NFIA: variants seen among roughly 807,000 people sequenced by gnomAD.
The protein encoded by NFIA is nuclear factor 1 A-type.
Under a neutral mutation model 62.8 loss-of-function variants are expected in NFIA, and 8 were observed. The ratio of observed to expected loss-of-function variants is 0.13; its 90% CI spans 0.07 to 0.23. The LOEUF is 0.23. Ranked by LOEUF, NFIA falls within the 10% of genes least tolerant of loss-of-function variation. The probability of loss-of-function intolerance (pLI) is 1.00; values close to 1 mark genes in which losing one functional copy is unlikely to be tolerated. For missense variants in NFIA, 410 were observed against 642.1 expected (o/e 0.64, Z 3.91); for synonymous variants, 235 against 238.1 (o/e 0.99, Z 0.12).
At chr1:61,380,002 G>C (rs765411278) in intron 6 of NFIA, among the ~76,000 whole-genome samples, 2 of 152,106 alleles carry the variant, frequency 1.3e-5, no homozygotes, top group Non-Finnish European at 2.9e-5. Context: ...ATATATGTTT[G>C]CCCTTGTCTA....
intron 6 of NFIA, among the ~76,000 whole-genome samples, chr1:61,374,280 C>T (rs1569663998): frequency 2.6e-5 from 4 of 152,016 alleles, no homozygotes; most frequent in African/African-American, 7.2e-5. Flanking sequence ...TCTGTGAATG[C>T]GTATAATTGC....
chr1:61,410,734 C>G (rs1426251652), intron 9 of NFIA, among the ~76,000 whole-genome samples: 1 of 151,892 alleles, frequency 6.6e-6, no homozygotes, highest in Non-Finnish European at 1.5e-5. Flanking sequence ...TGGTGAAACC[C>G]CATCTCTACA....
rs1197394836 is a variant in NFIA, at chr1:61,231,470, CATA to C, written c.560-46047_560-46045del. On this transcript the variant is annotated intron_variant, in intron 2 of 10. Coordinates refer to ENST00000403491, the MANE Select transcript of NFIA (RefSeq NM_001134673.4). The stretch of plus-strand genomic sequence containing the variant: ...AGCTTATATGCTGAAAATGTAATCA[CATA>C]ATGTTTTTAAAATAGTAAATGACAC... Among the ~76,000 whole-genome samples the C allele has an allele frequency of 2.0e-5, 3 of 152,124 alleles. No individual in the cohort carries two copies. The East Asian group carries it at 5.8e-4, about 29-fold the overall frequency.
intron 9 of NFIA, among the ~76,000 whole-genome samples, chr1:61,425,248 A>G (rs1355501405): frequency 6.6e-6 from 1 of 152,190 alleles, no homozygotes; most frequent in Non-Finnish European, 1.5e-5. Flanking sequence ...AGATTTGTTT[A>G]ATGAGAGAAA....
upstream of NFIA, chr1:61,082,066 CGGGGGTGG>C: frequency 6.8e-7 from 1 of 1,473,468 alleles, no homozygotes; most frequent in Non-Finnish European, 9.2e-7. Flanking sequence ...AGGTCTGCAG[CGGGGGTGG>C]GGGGATGGGG....
chr1:61,391,445 C>G (rs904308503), intron 7 of NFIA, among the ~76,000 whole-genome samples: 2 of 121,736 alleles, frequency 1.6e-5, no homozygotes, highest in Admixed American at 7.9e-5. Flanking sequence ...AACACACACA[C>G]ACACACACAC....
chr1:61,226,179 G>A (rs915641755), intron 2 of NFIA, among the ~76,000 whole-genome samples: 8 of 152,220 alleles, frequency 5.3e-5, no homozygotes, highest in African/African-American at 1.4e-4. Context: ...GATCAGCTGG[G>A]GTTATTAAAC....
intron 3 of NFIA, among the ~76,000 whole-genome samples, chr1:61,291,640 T>G (rs1206523501): frequency 6.6e-6 from 1 of 152,224 alleles, no homozygotes; most frequent in Non-Finnish European, 1.5e-5. Flanking sequence ...GCTTCATCTT[T>G]CTTGGGAGAG....
intron 3 of NFIA, among the ~76,000 whole-genome samples, chr1:61,288,513 G>A (rs1658654270): frequency 2.0e-5 from 3 of 152,142 alleles, no homozygotes; most frequent in African/African-American, 4.8e-5. Context: ...ACTCTATTAG[G>A]CTTAAAGCCA....
chr1:61,455,192 C>T (rs914255773), intron 10 of NFIA, 111 bp from the exon 11 acceptor site: 2 of 1,040,044 alleles, frequency 1.9e-6, no homozygotes, highest in East Asian at 5.0e-5. Context: ...CCCAGCGAAT[C>T]CCTCCCGCAT....
intron 3 of NFIA, among the ~76,000 whole-genome samples, chr1:61,288,712 A>G (rs796318954): frequency 2.6e-5 from 4 of 152,270 alleles, no homozygotes; most frequent in African/African-American, 9.6e-5. Context: ...AGATTGAGAG[A>G]ACTTTTAGGC....
chr1:61,325,736 G>A (rs1660897729), intron 3 of NFIA, among the ~76,000 whole-genome samples: 1 of 152,042 alleles, frequency 6.6e-6, no homozygotes, highest in Non-Finnish European at 1.5e-5. Flanking sequence ...GGCTAACACA[G>A]TGAAACCCCA....
At chr1:61,396,991 G>A (rs976207706) in intron 7 of NFIA, among the ~76,000 whole-genome samples, 2 of 144,476 alleles carry the variant, frequency 1.4e-5, no homozygotes, top group South Asian at 2.3e-4. Flanking sequence ...GACAGAGTGA[G>A]ACTCTGTCTC....
In NFIA at chr1:61,164,430, C is replaced by CT. The variant is rs199988366; in HGVS notation, c.559+75758dup. Among the ~76,000 whole-genome samples, 1,394 of 151,762 alleles carry CT rather than the reference C, an allele frequency of 9.2e-3. 17 individuals carry two copies. The highest frequency in any genetic ancestry group is 0.062 in the Middle Eastern group (18 of 292). ...AGCTTGGGAAAATGTCTCAAGCTTT[C>CT]TTTTTTTTGTTGTTATGTGTTTTTT... On this transcript the variant is annotated intron_variant, in intron 2 of 10. Transcript: ENST00000403491.
intron 9 of NFIA, among the ~76,000 whole-genome samples, chr1:61,410,410 C>T (rs1373560719): frequency 6.6e-6 from 1 of 152,136 alleles, no homozygotes; most frequent in Non-Finnish European, 1.5e-5. Context: ...TGAGTGGATT[C>T]TGTTTATCTT....
At chr1:61,168,015 A>G in intron 2 of NFIA, among the ~76,000 whole-genome samples, 1 of 152,220 alleles carries the variant, frequency 6.6e-6, no homozygotes, top group East Asian at 1.9e-4. Flanking sequence ...TGGATCAGAT[A>G]AAGGACCATC....
In NFIA at chr1:61,088,129, C is replaced by A. The variant is rs3767302; in HGVS notation, c.28-20C>A. 11 of 1,563,588 alleles carry A rather than the reference C, an allele frequency of 7.0e-6. No homozygotes were observed. Among genetic ancestry groups the A allele is most frequent in the Non-Finnish European group, 9.5e-6 (11 of 1,159,740 alleles). The stretch of plus-strand genomic sequence containing the variant: ...TTGTTTTCATTCTACTTATATTTTT[C>A]TTTTTGTTCATTTTCCTAGGATGAA... On this transcript the variant is annotated intron_variant, in intron 1 of 10. Coordinates refer to ENST00000403491, the MANE Select transcript of NFIA (RefSeq NM_001134673.4). This position sits in a 1 kb window ranked among gnomAD's most constrained non-coding sequence, Gnocchi z 4.5.
At chr1:61,346,753 C>T (rs1662248759) in intron 4 of NFIA, among the ~76,000 whole-genome samples, 1 of 152,150 alleles carries the variant, frequency 6.6e-6, no homozygotes, top group Non-Finnish European at 1.5e-5. Context: ...TTAGTCCGTT[C>T]TCATGCTGCT....
At chr1:61,183,430 AAACC>A (rs1332957725) in intron 2 of NFIA, among the ~76,000 whole-genome samples, 1 of 152,214 alleles carries the variant, frequency 6.6e-6, no homozygotes. Flanking sequence ...GAACACCGAT[AAACC>A]ATCAGGATGT....
Sources: gnomAD v4.1 joint callset for allele counts (sites outside exome capture counted in the v4.1 genomes callset) on GRCh38, gnomAD v4.1.1 for gene constraint, Gnocchi (gnomAD v3.1) non-coding constraint, MANE v1.5 for transcripts, NCBI Gene and HGNC (gene_info 2026-07-23, HGNC 2026-07-21) for gene names.